ELOVL5: variants seen among roughly 807,000 people sequenced by gnomAD.
ELOVL5 encodes the protein very long chain fatty acid elongase 5.
A neutral mutation model predicts 38.6 loss-of-function variants in ELOVL5; 8 were observed. The observed-to-expected ratio is 0.21, with a 90% CI of 0.12 to 0.37. ELOVL5 has a LOEUF of 0.37. Ranked by LOEUF, ELOVL5 falls within the 10% of genes least tolerant of loss-of-function variation. ELOVL5 has a pLI of 1.00. For missense variants in ELOVL5, 280 were observed against 367.8 expected (o/e 0.76, Z 1.95); for synonymous variants, 127 against 133.7 (o/e 0.95, Z 0.34).
Position 53,348,200 on chromosome 6 carries a change from T to C in ELOVL5, c.-9+617A>G, listed in dbSNP as rs80332729. On this transcript the variant is annotated intron_variant, in intron 1 of 7. Transcript: ENST00000304434. Reference sequence around the variant, plus strand: ...CTGGTTTCAATAAAAACTGAAGCGGTCCCGAGCTAGCAGGCTTCCCTCCGA... The same window carrying C: ...CTGGTTTCAATAAAAACTGAAGCGGCCCCGAGCTAGCAGGCTTCCCTCCGA... Among the ~76,000 whole-genome samples, 325 of 152,082 alleles carry C rather than the reference T, an allele frequency of 2.1e-3. 7 individuals are homozygous for C. The East Asian group carries it at 0.055, about 26-fold the overall frequency.
intron 1 of ELOVL5, among the ~76,000 whole-genome samples, chr6:53,335,008 A>C (rs1768987139): frequency 6.6e-6 from 1 of 152,238 alleles, no homozygotes; most frequent in Non-Finnish European, 1.5e-5. Context: ...GATTCTGGGC[A>C]AGCCATTTAA....
rs116973006 is a variant in ELOVL5, at chr6:53,320,811, C to T, written c.-8-25104G>A. ...GAAAAAACAAACCATCTCTAGTATT[C>T]GCTGTAATTACCAGAAATTAACTCC... On this transcript the variant is annotated intron_variant, in intron 1 of 7. Coordinates refer to ENST00000304434, the MANE Select transcript of ELOVL5 (RefSeq NM_021814.5). Among the ~76,000 whole-genome samples the T allele has an allele frequency of 2.2e-4, 34 of 152,234 alleles. No individual in the cohort carries two copies. In the East Asian group the frequency reaches 6.0e-3, roughly 27 times the overall value.
intron 1 of ELOVL5, among the ~76,000 whole-genome samples, chr6:53,311,388 G>A (rs891879601): frequency 1.3e-5 from 2 of 152,222 alleles, no homozygotes; most frequent in African/African-American, 4.8e-5. Flanking sequence ...TGGCGGGACT[G>A]TCAAATGGTA....
At chr6:53,270,760 G>C (rs980858218) in intron 6 of ELOVL5, 33 bp from the exon 7 acceptor site, 65 of 1,613,384 alleles carry the variant, frequency 4.0e-5, no homozygotes, top group Non-Finnish European at 5.3e-5. Flanking sequence ...GCTGAACAGG[G>C]ACAGTGCATG....
intron 1 of ELOVL5, among the ~76,000 whole-genome samples, chr6:53,298,436 A>G (rs1018595429): frequency 5.3e-5 from 8 of 152,166 alleles, no homozygotes; most frequent in Non-Finnish European, 1.2e-4. Flanking sequence ...GCATGAACGG[A>G]CTTTTGCTAG....
chr6:53,295,797 G>T, intron 1 of ELOVL5, 90 bp from the exon 2 acceptor site: 1 of 809,164 alleles, frequency 1.2e-6, no homozygotes, highest in Non-Finnish European at 1.9e-6. Context: ...TCTTTTCAAA[G>T]AATATGCTAC....
At chr6:53,347,958 G>A (rs570437734) in intron 1 of ELOVL5, among the ~76,000 whole-genome samples, 1 of 152,062 alleles carries the variant, frequency 6.6e-6, no homozygotes, top group African/African-American at 2.4e-5. Context: ...ACAGTAAAAA[G>A]GCACTTTTCC....
chr6:53,269,540 A>G (rs1173351470), intron 7 of ELOVL5, among the ~76,000 whole-genome samples: 2 of 152,152 alleles, frequency 1.3e-5, no homozygotes, highest in Admixed American at 6.5e-5. Flanking sequence ...AGAAAATTCA[A>G]TTTACACTTT....
At chr6:53,303,320 TA>T (rs1479833691) in intron 1 of ELOVL5, among the ~76,000 whole-genome samples, 4 of 152,224 alleles carry the variant, frequency 2.6e-5, no homozygotes, top group Admixed American at 1.3e-4. Flanking sequence ...GGCATTTAAA[TA>T]AATGATAACT....
chr6:53,291,712 C>T, intron 3 of ELOVL5, 64 bp downstream of exon 3: 2 of 1,366,504 alleles, frequency 1.5e-6, no homozygotes, highest in Non-Finnish European at 2.0e-6. Flanking sequence ...TTTAGGAATA[C>T]AATTTAGGAC....
chr6:53,319,529 A>T (rs566400981), intron 1 of ELOVL5, among the ~76,000 whole-genome samples: 1 of 152,204 alleles, frequency 6.6e-6, no homozygotes, highest in African/African-American at 2.4e-5. Context: ...CTGAGAGTGC[A>T]GCTCTAAAAT....
At chr6:53,273,844 T>C (rs1766012702) in intron 5 of ELOVL5, among the ~76,000 whole-genome samples, 1 of 152,220 alleles carries the variant, frequency 6.6e-6, no homozygotes, top group Admixed American at 6.5e-5. Context: ...TTTTTATTAA[T>C]AATAGAGTCA....
chr6:53,344,894 C>T lies in ELOVL5; in HGVS notation c.-9+3923G>A, dbSNP rs146662028. 3.9e-3 allele frequency among the ~76,000 whole-genome samples: 589 copies of T among 152,326 alleles called. 6 individuals are homozygous for T. Among genetic ancestry groups the T allele is most frequent in the Admixed American group, 0.011 (170 of 15,302 alleles). ...CTGCCTATCAACTAAGAGTCCTTTA[C>T]AAAATGTAAGGCTAAATTCTAATTT... On this transcript the variant is annotated intron_variant, in intron 1 of 7. Coordinates refer to ENST00000304434, the MANE Select transcript of ELOVL5 (RefSeq NM_021814.5).
At chr6:53,327,851 C>T (rs1191710898) in intron 1 of ELOVL5, among the ~76,000 whole-genome samples, 3 of 152,124 alleles carry the variant, frequency 2.0e-5, no homozygotes, top group Admixed American at 6.6e-5. Flanking sequence ...TTTCCTCTCT[C>T]GACTGGATGC....
At chr6:53,336,144 A>C (rs1769057959) in intron 1 of ELOVL5, among the ~76,000 whole-genome samples, 1 of 152,216 alleles carries the variant, frequency 6.6e-6, no homozygotes. Flanking sequence ...TCGAGTATAT[A>C]CCTCATAATT....
intron 5 of ELOVL5, among the ~76,000 whole-genome samples, chr6:53,274,808 G>A (rs1345114750): frequency 1.3e-5 from 2 of 152,168 alleles, no homozygotes; most frequent in Admixed American, 6.5e-5. Flanking sequence ...GGACCAGAAA[G>A]AACCTGGAAA....
intron 1 of ELOVL5, among the ~76,000 whole-genome samples, chr6:53,322,344 C>T (rs902479298): frequency 5.9e-5 from 9 of 152,152 alleles, no homozygotes; most frequent in African/African-American, 1.4e-4. Flanking sequence ...TACAACGTTT[C>T]GCAGAAGACA....
intron 1 of ELOVL5, among the ~76,000 whole-genome samples, chr6:53,303,706 C>T (rs1767360899): frequency 6.6e-6 from 1 of 152,168 alleles, no homozygotes; most frequent in African/African-American, 2.4e-5. Flanking sequence ...AATGTTGCAA[C>T]AATCAAATTG....
At position 53,291,840 on chromosome 6, in the gene ELOVL5, C is replaced by T; in HGVS notation, c.182G>A (p.Cys61Tyr). 1 of 1,613,996 alleles carries T rather than the reference C, an allele frequency of 6.2e-7. No homozygotes were observed. Among genetic ancestry groups the T allele is most frequent in the South Asian group, 1.1e-5 (1 of 91,082 alleles). ...KYMRNKQPFSCRGILVVYNLG... is the reference protein window; with the variant it reads ...KYMRNKQPFSYRGILVVYNLG... ...GTTATACACCACTAAAATCCCCCGG[C>T]AAGAGAATGGCTGTTTATTCCTCAT... Residue 61 changes from cysteine (C) to tyrosine (Y), a missense_variant, in exon 3 of 8, where the codon TGC becomes TAC. Coordinates refer to ENST00000304434, the MANE Select transcript of ELOVL5 (RefSeq NM_021814.5).
Sources: allele counts gnomAD v4.1 joint callset (sites outside exome capture counted in the v4.1 genomes callset), GRCh38; gene constraint gnomAD v4.1.1; transcripts MANE v1.5; gene names NCBI Gene and HGNC (gene_info 2026-07-23, HGNC 2026-07-21).